PLEKHA5: variants seen among roughly 807,000 people sequenced by gnomAD.
PLEKHA5 encodes the protein pleckstrin homology domain containing A5.
A neutral mutation model predicts 181.9 loss-of-function variants in PLEKHA5; 55 were observed. The ratio of observed to expected loss-of-function variants is 0.30; its 90% CI spans 0.24 to 0.38. The LOEUF (loss-of-function observed/expected upper bound fraction) is 0.38, where lower values mean the gene tolerates loss of function less well. PLEKHA5 is among the 10% of genes least tolerant of loss of function. The probability of loss-of-function intolerance (pLI) is 1.00; values close to 1 mark genes in which losing one functional copy is unlikely to be tolerated. For synonymous variants in PLEKHA5, 535 were observed against 529.4 expected, an observed-to-expected ratio of 1.01 and a Z score of -0.15; for missense variants, 1,432 against 1,549.5, an observed-to-expected ratio of 0.92 and a Z score of 1.27.
At chr12:19,203,939 T>C (rs1473154527) in intron 3 of PLEKHA5, among the ~76,000 whole-genome samples, 1 of 152,102 alleles carries the variant, frequency 6.6e-6, no homozygotes, top group Non-Finnish European at 1.5e-5. Context: ...ACTTACTCTT[T>C]CTACAGAACT....
At chr12:19,251,825 A>G (rs561219020) in intron 3 of PLEKHA5, among the ~76,000 whole-genome samples, 24 of 151,874 alleles carry the variant, frequency 1.6e-4, no homozygotes, top group African/African-American at 5.8e-4. Context: ...GTAATAATAC[A>G]GGGGACAAAC....
chr12:19,334,451 T>C (rs945670212), intron 20 of PLEKHA5, among the ~76,000 whole-genome samples: 9 of 152,208 alleles, frequency 5.9e-5, no homozygotes, highest in Non-Finnish European at 1.0e-4. Context: ...TATACTTAAA[T>C]GCCTCTGCAG....
chr12:19,240,720 C>T (rs1321815093), intron 3 of PLEKHA5, among the ~76,000 whole-genome samples: 1 of 151,874 alleles, frequency 6.6e-6, no homozygotes, highest in Non-Finnish European at 1.5e-5. Flanking sequence ...AGTCCTCTCA[C>T]TTCAGCTTCC....
chr12:19,283,360 G>C lies in PLEKHA5; in HGVS notation c.1394G>C (p.Arg465Thr), dbSNP rs1176038235. ...ATGGCCCGCTACCCTGAAGGTTATA[G>C]AACACTCCCAAGAAACAGCAAGACA... ...QIMARYPEGY[R>T]TLPRNSKTRP... The change falls in exon 12 of 32, where the codon AGA becomes ACA. Residue 465 changes from arginine (R) to threonine (T), a missense_variant. By Grantham distance (71) the Arg-to-Thr change is moderately conservative. This residue lies in a region of PLEKHA5 where 1,143 missense variants were observed against 1,168.4 expected (regional missense o/e 0.98). Transcript: ENST00000429027. 1.2e-6 allele frequency: 2 copies of C among 1,613,844 alleles called. No homozygotes were observed. Among genetic ancestry groups the C allele is most frequent in the African/African-American group, 2.7e-5 (2 of 74,904 alleles).
At chr12:19,189,575 A>G (rs2050620744) in intron 3 of PLEKHA5, among the ~76,000 whole-genome samples, 1 of 152,154 alleles carries the variant, frequency 6.6e-6, no homozygotes, top group African/African-American at 2.4e-5. Flanking sequence ...GAGATCAACA[A>G]GAGATTCGTT....
chr12:19,349,656 C>T (rs372777057), intron 25 of PLEKHA5, among the ~76,000 whole-genome samples: 1 of 151,328 alleles, frequency 6.6e-6, no homozygotes, highest in Admixed American at 6.6e-5. Flanking sequence ...CCTGTAATCC[C>T]AGCACTTCAG....
intron 3 of PLEKHA5, among the ~76,000 whole-genome samples, chr12:19,162,458 C>A (rs2043180367): frequency 6.6e-6 from 1 of 151,742 alleles, no homozygotes; most frequent in South Asian, 2.1e-4. Flanking sequence ...TTTAGATATT[C>A]TCTATTTTAT....
intron 25 of PLEKHA5, among the ~76,000 whole-genome samples, chr12:19,351,667 A>C (rs968838536): frequency 2.6e-5 from 4 of 152,194 alleles, no homozygotes; most frequent in Non-Finnish European, 5.9e-5. Flanking sequence ...AAGATAATCC[A>C]AAAAAGAAAA....
intron 3 of PLEKHA5, among the ~76,000 whole-genome samples, chr12:19,177,534 C>G (rs1426304355): frequency 1.3e-5 from 2 of 152,126 alleles, no homozygotes; most frequent in East Asian, 1.9e-4. Flanking sequence ...GGATCAGTTC[C>G]CACTGCAACA....
chr12:19,229,916 A>G (rs1481682630), intron 3 of PLEKHA5, among the ~76,000 whole-genome samples: 1 of 152,106 alleles, frequency 6.6e-6, no homozygotes, highest in Non-Finnish European at 1.5e-5. Context: ...TGCATTTACA[A>G]ACCTTGAGCT....
chr12:19,175,029 G>A (rs1479156989), intron 3 of PLEKHA5, among the ~76,000 whole-genome samples: 1 of 152,128 alleles, frequency 6.6e-6, no homozygotes, highest in East Asian at 1.9e-4. Context: ...TAAAAAATGG[G>A]AACAGTGAAA....
chr12:19,194,776 G>A (rs2052222273), intron 3 of PLEKHA5, among the ~76,000 whole-genome samples: 1 of 152,132 alleles, frequency 6.6e-6, no homozygotes, highest in South Asian at 2.1e-4. Flanking sequence ...GACTTGCAAA[G>A]CTGGAATTGG....
At chr12:19,338,109 T>G (rs2093598705) in intron 21 of PLEKHA5, among the ~76,000 whole-genome samples, 2 of 152,154 alleles carry the variant, frequency 1.3e-5, no homozygotes, top group Non-Finnish European at 2.9e-5. Context: ...AGCATAGTAC[T>G]GGCCACATGT....
intron 29 of PLEKHA5, 59 bp downstream of exon 29, chr12:19,361,765 G>A (rs1363665434): frequency 1.0e-5 from 15 of 1,429,838 alleles, no homozygotes; most frequent in Non-Finnish European, 1.3e-5. Context: ...CTTAAAAATG[G>A]TGAACTTCAG....
intron 3 of PLEKHA5, among the ~76,000 whole-genome samples, chr12:19,170,693 C>T (rs2045691158): frequency 6.6e-6 from 1 of 152,238 alleles, no homozygotes; most frequent in Non-Finnish European, 1.5e-5. Context: ...GTTGGGATTA[C>T]AGGCGTGAGC....
intron 20 of PLEKHA5, among the ~76,000 whole-genome samples, chr12:19,330,419 C>T (rs533179851): frequency 1.3e-5 from 2 of 151,568 alleles, no homozygotes; most frequent in East Asian, 1.9e-4. Flanking sequence ...TGTTTCAAGT[C>T]GAGGCTAAGT....
intron 3 of PLEKHA5, among the ~76,000 whole-genome samples, chr12:19,176,884 A>C (rs2047404632): frequency 6.6e-6 from 1 of 151,928 alleles, no homozygotes; most frequent in Non-Finnish European, 1.5e-5. Flanking sequence ...TTTTCTTTTG[A>C]GACAGAGTCT....
chr12:19,354,627 C>T (rs1424412426), intron 26 of PLEKHA5, among the ~76,000 whole-genome samples: 1 of 151,120 alleles, frequency 6.6e-6, no homozygotes, highest in African/African-American at 2.4e-5. Context: ...ACTACAGGCG[C>T]CCACCACCAC....
At chr12:19,269,655 AC>A in intron 8 of PLEKHA5, 114 bp from the exon 9 acceptor site, 1 of 557,842 alleles carries the variant, frequency 1.8e-6, no homozygotes, top group South Asian at 2.8e-5. Flanking sequence ...AGATAAGTCT[AC>A]TTTCTCTGAA....
Sources: gnomAD v4.1 joint callset for allele counts (sites outside exome capture counted in the v4.1 genomes callset) on GRCh38, gnomAD v4.1.1 for gene constraint, gnomAD v4.1.1 regional missense constraint, MANE v1.5 for transcripts, NCBI Gene and HGNC (gene_info 2026-07-23, HGNC 2026-07-21) for gene names.